Variants in ARHGAP39 observed in about 807,000 individuals in gnomAD.
ARHGAP39 encodes Rho GTPase activating protein 39.
ARHGAP39 carries 44 observed loss-of-function variants against 106.9 expected under a neutral mutation model. The observed-to-expected ratio is 0.41, with a 90% CI of 0.32 to 0.53. ARHGAP39 has a LOEUF of 0.53. Among genes scored for constraint, ARHGAP39 ranks in the 20% least tolerant of loss-of-function variants. The pLI, the probability that ARHGAP39 is intolerant of heterozygous loss-of-function variation, is 0.21. For missense variants in ARHGAP39, 1,496 were observed against 1,577.3 expected (o/e 0.95, Z 0.87); for synonymous variants, 768 against 693.2 (o/e 1.11, Z -1.69).
chr8:144,569,508 T>C (rs1439671836), intron 3 of ARHGAP39, among the ~76,000 whole-genome samples: 1 of 151,890 alleles, frequency 6.6e-6, no homozygotes, highest in Non-Finnish European at 1.5e-5. Context: ...TTACATGGAG[T>C]GAAAGATGAC....
At position 144,529,236 on chromosome 8, in the gene ARHGAP39, G is replaced by A. The variant is rs893711107; in HGVS notation, c.*1186C>T. 10 of 251,790 alleles carry A rather than the reference G, an allele frequency of 4.0e-5. No individual in the cohort carries two copies. Among genetic ancestry groups the A allele is most frequent in the African/African-American group, 2.3e-4 (10 of 44,322 alleles). 15.6% of individuals were successfully genotyped at this position (251,790 alleles called of 1,614,324 possible). On this transcript the variant is annotated 3_prime_UTR_variant, in exon 12 of 12. Coordinates refer to ENST00000377307, the MANE Select transcript of ARHGAP39 (RefSeq NM_025251.3). Reference sequence around the variant, plus strand: ...GTCGCCTCTCGGGTCCATGCGTCGGGGCGAGCGTCTCAGCCGGGCGGGACC... The same window carrying A: ...GTCGCCTCTCGGGTCCATGCGTCGGAGCGAGCGTCTCAGCCGGGCGGGACC...
chr8:144,675,065 C>T (rs965162140), intron 1 of ARHGAP39, among the ~76,000 whole-genome samples: 5 of 152,106 alleles, frequency 3.3e-5, no homozygotes, highest in African/African-American at 1.2e-4. Context: ...CAGGCTCCCA[C>T]CCCTCCAACT....
rs1233097746 is a variant in ARHGAP39 at position 144,600,973 on chromosome 8, C to T, written c.80+4562G>A. 3.2e-4 allele frequency among the ~76,000 whole-genome samples: 43 copies of T among 134,748 alleles called. 1 individual carries two copies. Among genetic ancestry groups the T allele is most frequent in the East Asian group, 2.4e-4 (1 of 4,192 alleles). 88.4% of individuals were successfully genotyped at this position (134,748 alleles called of 152,430 possible). On this transcript the variant is annotated intron_variant, in intron 2 of 11. Transcript: ENST00000377307. Reference sequence around the variant, plus strand: ...GTGCTCGTATACCTGTGTGCATGTGCGTGGAGGTGTGTGTGCGAGCTCATG... The same window carrying T: ...GTGCTCGTATACCTGTGTGCATGTGTGTGGAGGTGTGTGTGCGAGCTCATG...
At chr8:144,609,564 G>C (rs1259686554) in intron 1 of ARHGAP39, among the ~76,000 whole-genome samples, 6 of 151,968 alleles carry the variant, frequency 3.9e-5, no homozygotes, top group Admixed American at 1.3e-4. Context: ...ACTATGCCCA[G>C]CTAATTTTTT....
intron 3 of ARHGAP39, among the ~76,000 whole-genome samples, chr8:144,572,420 C>T (rs1255688105): frequency 1.3e-5 from 2 of 152,226 alleles, no homozygotes; most frequent in African/African-American, 4.8e-5. Context: ...AACTGGCTAG[C>T]CATATGTAGA....
At chr8:144,565,005 G>T (rs892542229) in intron 3 of ARHGAP39, among the ~76,000 whole-genome samples, 1 of 152,142 alleles carries the variant, frequency 6.6e-6, no homozygotes, top group African/African-American at 2.4e-5. Context: ...AGCTACTCGG[G>T]AGGCTGAGAC....
At chr8:144,656,570 TG>T (rs1192652356) in intron 1 of ARHGAP39, among the ~76,000 whole-genome samples, 1 of 152,002 alleles carries the variant, frequency 6.6e-6, no homozygotes, top group Non-Finnish European at 1.5e-5. Flanking sequence ...TGGGAGGCTG[TG>T]GTGGGCGGAT....
intron 1 of ARHGAP39, among the ~76,000 whole-genome samples, chr8:144,663,895 A>C (rs1821896293): frequency 6.6e-6 from 1 of 152,212 alleles, no homozygotes; most frequent in African/African-American, 2.4e-5. Context: ...AGCCAGGTGC[A>C]GTGGCTCATG....
At chr8:144,603,489 G>C (rs1001474343) in intron 2 of ARHGAP39, among the ~76,000 whole-genome samples, 1 of 152,056 alleles carries the variant, frequency 6.6e-6, no homozygotes, top group Non-Finnish European at 1.5e-5. Context: ...AGGAGTTCAA[G>C]ACCAGCCTGA....
intron 1 of ARHGAP39, among the ~76,000 whole-genome samples, chr8:144,608,888 G>C (rs1270683200): frequency 6.6e-6 from 1 of 152,082 alleles, no homozygotes; most frequent in Non-Finnish European, 1.5e-5. Context: ...AGAAAAAAAT[G>C]TTATTTGTTT....
Position 144,530,878 on chromosome 8 carries a change from A to AC in ARHGAP39, c.2981-8dup. 6.2e-7 allele frequency: 1 copy of AC among 1,606,686 alleles called. No individual in the cohort carries two copies. The highest frequency in any genetic ancestry group is 1.1e-5 in the South Asian group (1 of 90,858). Reference sequence around the variant, plus strand: ...CACAGCTTCAGCAGGGACGCTGGGGACACAGCACGGGGCTCAGCGGCCCTG... The same window carrying AC: ...CACAGCTTCAGCAGGGACGCTGGGGACCACAGCACGGGGCTCAGCGGCCCTG... On this transcript the variant is annotated splice_region_variant and splice_polypyrimidine_tract_variant and intron_variant, in intron 10 of 11. Coordinates refer to ENST00000377307, the MANE Select transcript of ARHGAP39 (RefSeq NM_025251.3).
In ARHGAP39 at chr8:144,646,376, T is replaced by G. The variant is rs1563722284; in HGVS notation, c.-82+39310A>C. Among the ~76,000 whole-genome samples the G allele has an allele frequency of 6.6e-6, 1 of 152,168 alleles. No homozygotes were observed. Among genetic ancestry groups the G allele is most frequent in the Non-Finnish European group, 1.5e-5 (1 of 68,036 alleles). On this transcript the variant is annotated intron_variant, in intron 1 of 11. Transcript: ENST00000377307. The surrounding 1 kb of genome is among the most constrained non-coding windows in gnomAD (Gnocchi z 5.7). Reference sequence around the variant, plus strand: ...AGAGCGGGAGGGGAGGGAGTGAAACTTCGTAGCACATGCCTTCTTGGCTTC... The same window carrying G: ...AGAGCGGGAGGGGAGGGAGTGAAACGTCGTAGCACATGCCTTCTTGGCTTC...
chr8:144,659,351 A>G (rs907300065), intron 1 of ARHGAP39, among the ~76,000 whole-genome samples: 8 of 152,224 alleles, frequency 5.3e-5, no homozygotes, highest in African/African-American at 1.7e-4. Context: ...TGCTCATTTG[A>G]AGAATGCTTC....
intron 1 of ARHGAP39, among the ~76,000 whole-genome samples, chr8:144,631,903 C>A (rs894314647): frequency 6.6e-6 from 1 of 152,218 alleles, no homozygotes; most frequent in East Asian, 1.9e-4. Context: ...TAGGACCCAA[C>A]TGCTTTTCAA....
chr8:144,673,783 C>T (rs1392163630), intron 1 of ARHGAP39, among the ~76,000 whole-genome samples: 1 of 152,258 alleles, frequency 6.6e-6, no homozygotes, highest in Non-Finnish European at 1.5e-5. Flanking sequence ...CCACACCTGC[C>T]AAGTGCAAGC....
At chr8:144,665,721 GA>G (rs1261076856) in intron 1 of ARHGAP39, among the ~76,000 whole-genome samples, 2 of 152,248 alleles carry the variant, frequency 1.3e-5, no homozygotes, top group Admixed American at 6.5e-5. Context: ...TGAGGTTTGG[GA>G]ACCTCCACCT....
At chr8:144,677,706 T>C (rs527659731) in intron 1 of ARHGAP39, among the ~76,000 whole-genome samples, 54 of 152,236 alleles carry the variant, frequency 3.5e-4, no homozygotes, top group African/African-American at 1.3e-3. Context: ...ATACATACAC[T>C]TGTTTGCTTG....
At position 144,592,143 on chromosome 8, in the gene ARHGAP39, A is replaced by G. The variant is rs116283437; in HGVS notation, c.81-10866T>C. Among the ~76,000 whole-genome samples the G allele has an allele frequency of 3.6e-3, 546 of 152,350 alleles. 3 individuals are homozygous for G. The highest frequency in any genetic ancestry group is 0.013 in the African/African-American group (527 of 41,576). On this transcript the variant is annotated intron_variant, in intron 2 of 11. Transcript: ENST00000377307. The stretch of plus-strand genomic sequence containing the variant: ...AATGTAATGGGATAATTCTCTCAAC[A>G]AAGAATAGCATTTTGTTCCCTTTTC...
At chr8:144,637,939 C>T (rs188272092) in intron 1 of ARHGAP39, among the ~76,000 whole-genome samples, 259 of 151,964 alleles carry the variant, frequency 1.7e-3, no homozygotes, top group African/African-American at 5.9e-3. Context: ...AAGTAATCCT[C>T]CTTCCTCAGC....
Sources: allele counts gnomAD v4.1 joint callset (sites outside exome capture counted in the v4.1 genomes callset), GRCh38; gene constraint gnomAD v4.1.1; non-coding constraint Gnocchi (gnomAD v3.1); transcripts MANE v1.5; gene names NCBI Gene and HGNC (gene_info 2026-07-23, HGNC 2026-07-21).